Variants in IKZF2 observed in about 807,000 individuals in gnomAD.
IKZF2 encodes IKAROS family zinc finger 2.
A neutral mutation model predicts 49.2 loss-of-function variants in IKZF2; 15 were observed. That is an observed-to-expected ratio of 0.30 (90% CI 0.20 to 0.47). The LOEUF (loss-of-function observed/expected upper bound fraction) is 0.47, where lower values mean the gene tolerates loss of function less well. IKZF2 is among the 20% of genes least tolerant of loss of function. The probability of loss-of-function intolerance (pLI) is 1.00; values close to 1 mark genes in which losing one functional copy is unlikely to be tolerated. For missense variants in IKZF2, 567 were observed against 664.6 expected (o/e 0.85, Z 1.61); for synonymous variants, 227 against 221.4 (o/e 1.03, Z -0.23).
intron 4 of IKZF2, among the ~76,000 whole-genome samples, chr2:213,139,069 C>A (rs2060778206): frequency 6.6e-6 from 1 of 151,830 alleles, no homozygotes; most frequent in Admixed American, 6.6e-5. Flanking sequence ...AGATTGTCTT[C>A]ATAAAGTTAG....
rs1441847867 is a variant in IKZF2, at chr2:213,019,488, G to A, written c.712+2505C>T. Among the ~76,000 whole-genome samples the A allele has an allele frequency of 2.0e-5, 3 of 152,030 alleles. No homozygotes were observed. In the East Asian group the frequency reaches 5.8e-4, roughly 29 times the overall value. Reference sequence around the variant, plus strand: ...TACAGTATTTATCAACTCCTACCTCGTATGGCCAATTTCCCATTAGGCATG... The same window carrying A: ...TACAGTATTTATCAACTCCTACCTCATATGGCCAATTTCCCATTAGGCATG... On this transcript the variant is annotated intron_variant, in intron 7 of 8. Transcript: ENST00000434687.
intron 4 of IKZF2, among the ~76,000 whole-genome samples, chr2:213,120,045 C>T (rs925083607): frequency 1.3e-5 from 2 of 152,192 alleles, no homozygotes; most frequent in African/African-American, 4.8e-5. Flanking sequence ...TCTTCAAGGC[C>T]AGTTCCTACT....
intron 4 of IKZF2, among the ~76,000 whole-genome samples, chr2:213,070,075 T>C (rs954774477): frequency 2.4e-4 from 36 of 152,080 alleles, no homozygotes; most frequent in Admixed American, 3.9e-4. Flanking sequence ...TGGTTTGACT[T>C]TCACACTCAG....
At chr2:213,046,725 T>C (rs566539984) in intron 6 of IKZF2, among the ~76,000 whole-genome samples, 1 of 152,284 alleles carries the variant, frequency 6.6e-6, no homozygotes, top group African/African-American at 2.4e-5. Context: ...TCAGAATTGG[T>C]ACAAAATGTA....
intron 6 of IKZF2, among the ~76,000 whole-genome samples, chr2:213,046,720 A>G (rs1700185417): frequency 6.6e-6 from 1 of 152,200 alleles, no homozygotes; most frequent in Non-Finnish European, 1.5e-5. Context: ...ATCCTTCAGA[A>G]TTGGTACAAA....
At chr2:213,033,660 C>A (rs1485726025) in intron 6 of IKZF2, among the ~76,000 whole-genome samples, 2 of 48,844 alleles carry the variant, frequency 4.1e-5, no homozygotes, top group African/African-American at 3.9e-5. Context: ...AGTGTCTAAA[C>A]AATAGGCTTA....
chr2:213,143,413 A>G (rs2060939947), intron 4 of IKZF2, among the ~76,000 whole-genome samples: 2 of 151,952 alleles, frequency 1.3e-5, no homozygotes, highest in African/African-American at 4.8e-5. Context: ...TGCAAAGAAA[A>G]AGTTACAGCA....
chr2:213,142,308 G>T (rs1239510085), intron 4 of IKZF2, among the ~76,000 whole-genome samples: 5 of 151,786 alleles, frequency 3.3e-5, no homozygotes, highest in Non-Finnish European at 7.4e-5. Flanking sequence ...ATAACGGAGG[G>T]TTCCTGCTTC....
At chr2:213,124,697 A>G (rs1196186337) in intron 4 of IKZF2, among the ~76,000 whole-genome samples, 1 of 152,250 alleles carries the variant, frequency 6.6e-6, no homozygotes, top group Non-Finnish European at 1.5e-5. Flanking sequence ...TTATTTCCTG[A>G]ATAAGTATAC....
intron 4 of IKZF2, among the ~76,000 whole-genome samples, chr2:213,092,574 G>A (rs1035841978): frequency 7.2e-5 from 11 of 151,988 alleles, no homozygotes; most frequent in Admixed American, 2.0e-4. Context: ...CCATCCCACC[G>A]CCCTGTTCGA....
At chr2:213,047,114 C>T (rs1429967748) in intron 6 of IKZF2, among the ~76,000 whole-genome samples, 3 of 152,086 alleles carry the variant, frequency 2.0e-5, no homozygotes, top group Non-Finnish European at 2.9e-5. Flanking sequence ...TATGCCTTCC[C>T]TTTCTCTTCA....
At chr2:213,083,981 A>G (rs1180495478) in intron 4 of IKZF2, among the ~76,000 whole-genome samples, 2 of 152,120 alleles carry the variant, frequency 1.3e-5, no homozygotes, top group East Asian at 3.8e-4. Context: ...ACTAACCCTC[A>G]GGCTGTGGAA....
At chr2:213,055,625 G>T (rs1289326248) in intron 5 of IKZF2, among the ~76,000 whole-genome samples, 1 of 151,742 alleles carries the variant, frequency 6.6e-6, no homozygotes, top group Non-Finnish European at 1.5e-5. Flanking sequence ...TAAATTCTTG[G>T]TATACTGACA....
intron 8 of IKZF2, among the ~76,000 whole-genome samples, chr2:213,013,496 AT>A (rs1696210061): frequency 6.6e-6 from 1 of 151,782 alleles, no homozygotes; most frequent in Non-Finnish European, 1.5e-5. Context: ...TCTCTTCTGT[AT>A]GACTATTTTT....
chr2:213,009,971 T>A (rs1331288317), intron 8 of IKZF2, among the ~76,000 whole-genome samples: 1 of 152,054 alleles, frequency 6.6e-6, no homozygotes, highest in Admixed American at 6.6e-5. Flanking sequence ...AGTTAGATAA[T>A]ATAAGGCTAA....
chr2:213,074,281 T>C (rs1217152046), intron 4 of IKZF2, among the ~76,000 whole-genome samples: 1 of 152,178 alleles, frequency 6.6e-6, no homozygotes, highest in Non-Finnish European at 1.5e-5. Context: ...CACTATCAAG[T>C]GTACATCACA....
chr2:213,055,862 A>C (rs535012000), intron 5 of IKZF2, among the ~76,000 whole-genome samples: 4 of 152,138 alleles, frequency 2.6e-5, no homozygotes, highest in Non-Finnish European at 5.9e-5. Context: ...CTTTTAAATA[A>C]ATTTATTGTG....
intron 4 of IKZF2, among the ~76,000 whole-genome samples, chr2:213,124,258 A>ATG (rs2060173416): frequency 2.1e-5 from 2 of 93,328 alleles, no homozygotes; most frequent in East Asian, 6.9e-4. Flanking sequence ...GCGCGCACAC[A>ATG]CACACACACA....
chr2:213,093,106 T>C (rs1705544285), intron 4 of IKZF2, among the ~76,000 whole-genome samples: 4 of 152,218 alleles, frequency 2.6e-5, no homozygotes, highest in Admixed American at 2.6e-4. Context: ...TAAGCACTTC[T>C]AGATTTAAAT....
Sources: allele counts gnomAD v4.1 joint callset (sites outside exome capture counted in the v4.1 genomes callset), GRCh38; gene constraint gnomAD v4.1.1; transcripts MANE v1.5; gene names NCBI Gene and HGNC (gene_info 2026-07-23, HGNC 2026-07-21).